Variants in PRR16 observed in about 807,000 individuals in gnomAD.
PRR16 encodes the protein protein Largen.
PRR16 carries 6 observed loss-of-function variants against 18.2 expected under a neutral mutation model. The ratio of observed to expected loss-of-function variants is 0.33; its 90% CI spans 0.18 to 0.65. The LOEUF (loss-of-function observed/expected upper bound fraction) is 0.65. PRR16 is among the 30% of genes least tolerant of loss of function. PRR16 has a pLI of 0.74. For synonymous variants in PRR16, 151 were observed against 147.8 expected (o/e 1.02, Z -0.16); for missense variants, 412 against 376.6 (o/e 1.09, Z -0.78).
chr5:120,699,703 A>G, the PRR16 span, among the ~76,000 whole-genome samples: 185 of 152,286 alleles, frequency 1.2e-3, no homozygotes, highest in African/African-American at 4.1e-3. Context: ...CTAGGCTAAA[A>G]CAGTAAGGTC....
At chr5:120,765,964 T>A in the PRR16 span, among the ~76,000 whole-genome samples, 1 of 152,024 alleles carries the variant, frequency 6.6e-6, no homozygotes, top group African/African-American at 2.4e-5. Flanking sequence ...TGTATACTAC[T>A]GTTATGGAAA....
At chr5:120,608,929 A>C (rs1274738197) in intron 1 of PRR16, among the ~76,000 whole-genome samples, 1 of 152,166 alleles carries the variant, frequency 6.6e-6, no homozygotes, top group Non-Finnish European at 1.5e-5. Context: ...CAGAATCAGA[A>C]AGGTGTCCCA....
intron 1 of PRR16, among the ~76,000 whole-genome samples, chr5:120,652,407 A>T (rs1755823247): frequency 6.6e-6 from 1 of 152,112 alleles, no homozygotes; most frequent in Non-Finnish European, 1.5e-5. Context: ...AGGGAAAGAT[A>T]GAGGAAAAAT....
intron 1 of PRR16, among the ~76,000 whole-genome samples, chr5:120,590,999 G>C (rs899310093): frequency 2.6e-5 from 4 of 151,962 alleles, no homozygotes; most frequent in African/African-American, 9.7e-5. Flanking sequence ...TGTACTGTAG[G>C]CTGGGTGTGG....
chr5:120,736,752 T>C, the PRR16 span, among the ~76,000 whole-genome samples: 1 of 152,092 alleles, frequency 6.6e-6, no homozygotes, highest in Non-Finnish European at 1.5e-5. Flanking sequence ...TATGTGTGTC[T>C]TCTTTAATTT....
intron 1 of PRR16, among the ~76,000 whole-genome samples, chr5:120,576,949 T>C (rs1227028455): frequency 2.0e-5 from 3 of 152,068 alleles, no homozygotes; most frequent in Non-Finnish European, 4.4e-5. Flanking sequence ...TATATGTATA[T>C]ACACATATAC....
intron 1 of PRR16, among the ~76,000 whole-genome samples, chr5:120,634,687 G>T (rs1338863902): frequency 6.6e-6 from 1 of 151,844 alleles, no homozygotes; most frequent in Non-Finnish European, 1.5e-5. Context: ...ATAGTATAAG[G>T]TCAGACTTCA....
chr5:120,743,566 C>A, the PRR16 span, among the ~76,000 whole-genome samples: 1 of 152,142 alleles, frequency 6.6e-6, no homozygotes, highest in East Asian at 1.9e-4. Flanking sequence ...TGGTAAGGAA[C>A]TTTGCAAACT....
At chr5:120,490,876 G>C (rs955822464) in intron 1 of PRR16, among the ~76,000 whole-genome samples, 1 of 152,156 alleles carries the variant, frequency 6.6e-6, no homozygotes, top group Non-Finnish European at 1.5e-5. Flanking sequence ...CTAACAGTCA[G>C]GACCCTCAGC....
the PRR16 span, among the ~76,000 whole-genome samples, chr5:120,766,503 A>G: frequency 6.6e-6 from 1 of 151,866 alleles, no homozygotes; most frequent in Non-Finnish European, 1.5e-5. Context: ...TGTGTCATAT[A>G]TACATTGCAA....
At chr5:120,766,408 C>CCT in the PRR16 span, among the ~76,000 whole-genome samples, 2 of 151,440 alleles carry the variant, frequency 1.3e-5, no homozygotes, top group African/African-American at 4.8e-5. Flanking sequence ...CAATGTGAAC[C>CCT]CTCTATTCAA....
chr5:120,737,838 A>T, the PRR16 span, among the ~76,000 whole-genome samples: 1 of 152,040 alleles, frequency 6.6e-6, no homozygotes, highest in South Asian at 2.1e-4. Context: ...TAAATGATTC[A>T]GTCTTGATAG....
chr5:120,649,935 G>C (rs1196397599), intron 1 of PRR16, among the ~76,000 whole-genome samples: 1 of 151,880 alleles, frequency 6.6e-6, no homozygotes, highest in African/African-American at 2.4e-5. Flanking sequence ...ATATTATATA[G>C]TGTATATTTT....
At chr5:120,492,265 TGTGTGTG>T (rs1750082810) in intron 1 of PRR16, among the ~76,000 whole-genome samples, 1 of 130,002 alleles carries the variant, frequency 7.7e-6, no homozygotes, top group Non-Finnish European at 1.7e-5. Context: ...AGTGTGTGTG[TGTGTGTG>T]TGTGTGTGTG....
At chr5:120,478,322 G>A (rs920539531) in intron 1 of PRR16, among the ~76,000 whole-genome samples, 1 of 152,086 alleles carries the variant, frequency 6.6e-6, no homozygotes, top group African/African-American at 2.4e-5. Context: ...TATATATGGT[G>A]GTGGTTTTTG....
chr5:120,508,552 G>GA (rs1750719885), intron 1 of PRR16, among the ~76,000 whole-genome samples: 2 of 151,986 alleles, frequency 1.3e-5, no homozygotes, highest in Non-Finnish European at 2.9e-5. Context: ...TTAGAAATTA[G>GA]AAAAAAGAAA....
chr5:120,725,090 A>G, the PRR16 span, among the ~76,000 whole-genome samples: 1 of 152,032 alleles, frequency 6.6e-6, no homozygotes, highest in Non-Finnish European at 1.5e-5. Context: ...TGCTATCTGG[A>G]GGAAGAGTAT....
At chr5:120,577,163 A>G (rs1753107380) in intron 1 of PRR16, among the ~76,000 whole-genome samples, 1 of 152,082 alleles carries the variant, frequency 6.6e-6, no homozygotes, top group African/African-American at 2.4e-5. Flanking sequence ...ATATCATGAT[A>G]TAGCCAAACA....
chr5:120,660,109 A>C (rs1379376893), intron 1 of PRR16, among the ~76,000 whole-genome samples: 1 of 152,084 alleles, frequency 6.6e-6, no homozygotes, highest in Non-Finnish European at 1.5e-5. Flanking sequence ...AAGTTTATGA[A>C]ACTAGAATAA....
Sources: allele counts gnomAD v4.1 joint callset (sites outside exome capture counted in the v4.1 genomes callset), GRCh38; gene constraint gnomAD v4.1.1; transcripts MANE v1.5; gene names NCBI Gene and HGNC (gene_info 2026-07-23, HGNC 2026-07-21).